The following SLC24A2 variants were observed in gnomAD, a reference collection of about 807,000 sequenced individuals.
SLC24A2 encodes sodium/potassium/calcium exchanger 2.
A neutral mutation model predicts 62.0 loss-of-function variants in SLC24A2; 36 were observed. The ratio of observed to expected loss-of-function variants is 0.58; its 90% CI spans 0.44 to 0.77. SLC24A2 has a LOEUF of 0.77. SLC24A2 is among the 30% of genes least tolerant of loss of function. The probability of loss-of-function intolerance (pLI) is 0.00; values close to 1 mark genes in which losing one functional copy is unlikely to be tolerated. For missense variants in SLC24A2, 846 were observed against 817.9 expected (o/e 1.03, Z -0.42); for synonymous variants, 358 against 294.0 (o/e 1.22, Z -2.23).
chr9:20,159,964 G>A, the SLC24A2 span, among the ~76,000 whole-genome samples: 1 of 151,454 alleles, frequency 6.6e-6, no homozygotes, highest in African/African-American at 2.4e-5. Context: ...TAATAAGTGT[G>A]GATAGGCTTA....
the SLC24A2 span, among the ~76,000 whole-genome samples, chr9:19,829,576 A>G: frequency 6.6e-6 from 1 of 151,894 alleles, no homozygotes; most frequent in African/African-American, 2.4e-5. Context: ...CCTTAAAAAA[A>G]AACTATAAGC....
chr9:20,007,454 C>T, the SLC24A2 span, among the ~76,000 whole-genome samples: 3 of 152,112 alleles, frequency 2.0e-5, no homozygotes, highest in African/African-American at 4.8e-5. Context: ...TAAGTCTAAT[C>T]TAGGTTCTCA....
the SLC24A2 span, among the ~76,000 whole-genome samples, chr9:20,229,309 T>C: frequency 3.1e-4 from 47 of 152,152 alleles, no homozygotes; most frequent in African/African-American, 1.1e-3. Flanking sequence ...TGTTGTGCTC[T>C]GGTGTTCTTC....
At chr9:19,867,153 C>A in the SLC24A2 span, among the ~76,000 whole-genome samples, 4 of 152,032 alleles carry the variant, frequency 2.6e-5, no homozygotes, top group East Asian at 5.8e-4. Context: ...GCATTGCATG[C>A]CTGTATCAAA....
At chr9:20,136,187 A>C in the SLC24A2 span, among the ~76,000 whole-genome samples, 1 of 152,174 alleles carries the variant, frequency 6.6e-6, no homozygotes, top group African/African-American at 2.4e-5. Context: ...TAGTGCTTAA[A>C]TTGAGTTTTA....
At chr9:19,551,817 G>C (rs375161273) in intron 7 of SLC24A2, among the ~76,000 whole-genome samples, 1 of 152,182 alleles carries the variant, frequency 6.6e-6, no homozygotes, top group East Asian at 1.9e-4. Flanking sequence ...GCAAAACTGA[G>C]GTACTGCAGA....
chr9:20,078,201 A>C, the SLC24A2 span, among the ~76,000 whole-genome samples: 18 of 152,094 alleles, frequency 1.2e-4, no homozygotes, highest in Non-Finnish European at 1.5e-4. Flanking sequence ...CAGACTGTGC[A>C]CTCCATAGTT....
the SLC24A2 span, among the ~76,000 whole-genome samples, chr9:19,994,006 T>G: frequency 6.6e-6 from 1 of 152,190 alleles, no homozygotes; most frequent in Non-Finnish European, 1.5e-5. Flanking sequence ...CCGTGTGTAC[T>G]AGGAAACTGA....
At chr9:19,710,004 G>C (rs1408411902) in intron 2 of SLC24A2, among the ~76,000 whole-genome samples, 4 of 152,180 alleles carry the variant, frequency 2.6e-5, no homozygotes, top group Non-Finnish European at 5.9e-5. Context: ...CTCAGTGGTT[G>C]TTTCAGAGGA....
chr9:19,711,675 A>T (rs1820718662), intron 2 of SLC24A2, among the ~76,000 whole-genome samples: 2 of 152,272 alleles, frequency 1.3e-5, no homozygotes, highest in Admixed American at 1.3e-4. Flanking sequence ...TACTAAGTAG[A>T]AATATGAAAT....
the SLC24A2 span, among the ~76,000 whole-genome samples, chr9:20,233,485 C>T: frequency 6.6e-6 from 1 of 152,088 alleles, no homozygotes; most frequent in Non-Finnish European, 1.5e-5. Context: ...ATGTAATGGC[C>T]TTCTTTGTCT....
chr9:19,642,693 T>TAACATA (rs1818534214), intron 2 of SLC24A2, among the ~76,000 whole-genome samples: 1 of 141,910 alleles, frequency 7.0e-6, no homozygotes, highest in African/African-American at 2.6e-5. Flanking sequence ...TTTTTTTTTT[T>TAACATA]TTTTTGAGAC....
At chr9:20,019,546 T>C in the SLC24A2 span, among the ~76,000 whole-genome samples, 4 of 152,084 alleles carry the variant, frequency 2.6e-5, no homozygotes, top group African/African-American at 9.7e-5. Context: ...TATATATCTG[T>C]TTTGGTACCA....
chr9:20,285,942 G>C, the SLC24A2 span, among the ~76,000 whole-genome samples: 1 of 152,148 alleles, frequency 6.6e-6, no homozygotes, highest in Non-Finnish European at 1.5e-5. Context: ...CCTTGATCTT[G>C]GACTTCCAGC....
chr9:20,186,297 A>C, the SLC24A2 span, among the ~76,000 whole-genome samples: 1,066 of 152,226 alleles, frequency 7.0e-3, 16 homozygotes, highest in African/African-American at 0.025. Flanking sequence ...CTGTGCCTCT[A>C]TCCTGTTTAA....
the SLC24A2 span, among the ~76,000 whole-genome samples, chr9:20,190,548 G>A: frequency 1.3e-5 from 2 of 152,068 alleles, no homozygotes; most frequent in African/African-American, 4.8e-5. Flanking sequence ...ACTCTCTGGA[G>A]AACATACTCC....
At chr9:19,672,881 C>T (rs542932776) in intron 2 of SLC24A2, among the ~76,000 whole-genome samples, 2 of 146,044 alleles carry the variant, frequency 1.4e-5, no homozygotes, top group South Asian at 4.3e-4. Context: ...AATTTTATTC[C>T]ACTGTTGTCT....
chr9:19,845,554 T>A, the SLC24A2 span, among the ~76,000 whole-genome samples: 1 of 152,144 alleles, frequency 6.6e-6, no homozygotes, highest in Non-Finnish European at 1.5e-5. Context: ...CATTTGTTTC[T>A]TTGACTCTAT....
chr9:20,042,751 T>C, the SLC24A2 span, among the ~76,000 whole-genome samples: 2 of 152,236 alleles, frequency 1.3e-5, no homozygotes, highest in Non-Finnish European at 2.9e-5. Context: ...TCCAACAGCA[T>C]GTGCTCACTT....
Sources: allele counts gnomAD v4.1 joint callset (sites outside exome capture counted in the v4.1 genomes callset), GRCh38; gene constraint gnomAD v4.1.1; transcripts MANE v1.5; gene names NCBI Gene and HGNC (gene_info 2026-07-23, HGNC 2026-07-21).